GPC5: variants seen among roughly 807,000 people sequenced by gnomAD.
GPC5 encodes glypican-5.
GPC5 carries 47 observed loss-of-function variants against 53.9 expected under a neutral mutation model. The observed-to-expected ratio is 0.87, with a 90% CI of 0.69 to 1.11. GPC5 has a LOEUF of 1.11. GPC5 is among the 50% of genes most tolerant of loss of function. GPC5 has a pLI of 0.00. For synonymous variants in GPC5, 286 were observed against 263.3 expected, an observed-to-expected ratio of 1.09 and a Z score of -0.84; for missense variants, 748 against 713.1, an observed-to-expected ratio of 1.05 and a Z score of -0.56.
At chr13:91,766,974 A>T (rs1055652552) in intron 5 of GPC5, among the ~76,000 whole-genome samples, 1 of 152,244 alleles carries the variant, frequency 6.6e-6, no homozygotes, top group Non-Finnish European at 1.5e-5. Flanking sequence ...CTGTTAAATC[A>T]TGTTATTGTT....
In GPC5 at chr13:91,959,209, T is replaced by G. The variant is rs73612930; in HGVS notation, c.1401+51152T>G. Among the ~76,000 whole-genome samples the G allele has an allele frequency of 3.9e-3, 594 of 150,830 alleles. 4 individuals carry two copies. The highest frequency in any genetic ancestry group is 0.014 in the African/African-American group (561 of 41,138). ...AGACACAAATAAACAAAATCAAAAA[T>G]GAAATGGGAAACACTTCAGCTGATA... is the stretch of plus-strand genomic sequence containing the variant. On this transcript the variant is annotated intron_variant, in intron 6 of 7. Coordinates refer to ENST00000377067, the MANE Select transcript of GPC5 (RefSeq NM_004466.6).
intron 7 of GPC5, among the ~76,000 whole-genome samples, chr13:92,419,958 A>G (rs1213711177): frequency 6.6e-6 from 1 of 152,154 alleles, no homozygotes; most frequent in Non-Finnish European, 1.5e-5. Context: ...ACCTGCTGTC[A>G]AAACTCCAGC....
At chr13:92,069,103 C>A (rs1184798563) in intron 6 of GPC5, among the ~76,000 whole-genome samples, 1 of 152,018 alleles carries the variant, frequency 6.6e-6, no homozygotes, top group Non-Finnish European at 1.5e-5. Flanking sequence ...TGTCCCAACA[C>A]TATTTGTTGA....
At chr13:92,134,579 T>G (rs2041768860) in intron 6 of GPC5, among the ~76,000 whole-genome samples, 1 of 152,078 alleles carries the variant, frequency 6.6e-6, no homozygotes, top group Non-Finnish European at 1.5e-5. Flanking sequence ...TTAATAAAAT[T>G]GAAAAATAAT....
chr13:92,406,690 C>T (rs1875811009), intron 7 of GPC5, among the ~76,000 whole-genome samples: 2 of 152,224 alleles, frequency 1.3e-5, no homozygotes, highest in African/African-American at 4.8e-5. Flanking sequence ...TCATAGTTTT[C>T]GCAGTCAATT....
rs534320211 is a variant in GPC5, at chr13:91,465,421, T to C, written c.325+16499T>C. Among the ~76,000 whole-genome samples, 8 of 152,298 alleles carry C rather than the reference T, an allele frequency of 5.3e-5. No individual in the cohort carries two copies. In the East Asian group the frequency reaches 1.5e-3, roughly 29 times the overall value. The stretch of plus-strand genomic sequence containing the variant: ...TATGTAAATGGAATCATACATCATG[T>C]AGCCTTCTGTGTCTGGCTTCTTCCA... On this transcript the variant is annotated intron_variant, in intron 2 of 7. Coordinates refer to ENST00000377067, the MANE Select transcript of GPC5 (RefSeq NM_004466.6).
intron 2 of GPC5, among the ~76,000 whole-genome samples, chr13:91,630,163 ATCT>A (rs1300424720): frequency 6.6e-6 from 1 of 152,164 alleles, no homozygotes; most frequent in Non-Finnish European, 1.5e-5. Context: ...ATTTATTAGG[ATCT>A]TCTTGGTTTC....
At chr13:91,966,273 C>A (rs143504164) in intron 6 of GPC5, among the ~76,000 whole-genome samples, 1 of 151,984 alleles carries the variant, frequency 6.6e-6, no homozygotes, top group Admixed American at 6.6e-5. Context: ...GCAGAAAAAG[C>A]ATAGAAATAG....
chr13:92,798,153 T>C (rs973944989), intron 7 of GPC5, among the ~76,000 whole-genome samples: 4 of 151,872 alleles, frequency 2.6e-5, no homozygotes, highest in African/African-American at 9.7e-5. Flanking sequence ...AGGAAGCTTC[T>C]ACCCCTTGGG....
At chr13:92,569,813 T>G (rs1031809754) in intron 7 of GPC5, among the ~76,000 whole-genome samples, 3 of 152,162 alleles carry the variant, frequency 2.0e-5, no homozygotes, top group African/African-American at 7.2e-5. Context: ...AAAAATTGAT[T>G]TATATTGCTT....
chr13:92,531,473 A>G (rs1166762512), intron 7 of GPC5, among the ~76,000 whole-genome samples: 1 of 151,818 alleles, frequency 6.6e-6, no homozygotes. Flanking sequence ...ATTTCTGTAT[A>G]TATATTCATA....
At chr13:91,989,935 A>C (rs1323370146) in intron 6 of GPC5, among the ~76,000 whole-genome samples, 1 of 151,628 alleles carries the variant, frequency 6.6e-6, no homozygotes, top group East Asian at 1.9e-4. Flanking sequence ...GAAGAGAATT[A>C]AAAAAAACTT....
At chr13:92,068,584 TATTA>T (rs1215236985) in intron 6 of GPC5, among the ~76,000 whole-genome samples, 3 of 151,530 alleles carry the variant, frequency 2.0e-5, no homozygotes, top group African/African-American at 7.2e-5. Context: ...CATATTTCCT[TATTA>T]ATTATAATAT....
At chr13:91,890,124 A>G (rs755769342) in intron 5 of GPC5, among the ~76,000 whole-genome samples, 3 of 152,162 alleles carry the variant, frequency 2.0e-5, no homozygotes, top group Non-Finnish European at 4.4e-5. Flanking sequence ...GATCAATAAC[A>G]GGGGTGGTGC....
chr13:92,387,951 G>T (rs1027134828), intron 7 of GPC5, among the ~76,000 whole-genome samples: 10 of 152,080 alleles, frequency 6.6e-5, no homozygotes, highest in African/African-American at 2.4e-4. Flanking sequence ...TAAAGGGTTT[G>T]CCCCAATGCA....
intron 2 of GPC5, among the ~76,000 whole-genome samples, chr13:91,618,709 G>T (rs2139351635): frequency 6.6e-6 from 1 of 151,942 alleles, no homozygotes; most frequent in South Asian, 2.1e-4. Flanking sequence ...AAGTTTGGAA[G>T]TTGTTGTTGC....
At chr13:91,972,306 T>C (rs1207006288) in intron 6 of GPC5, among the ~76,000 whole-genome samples, 1 of 152,188 alleles carries the variant, frequency 6.6e-6, no homozygotes, top group East Asian at 1.9e-4. Context: ...TTTTTTTGTT[T>C]TCCATTTTCT....
At position 92,628,264 on chromosome 13, in the gene GPC5, C is replaced by CTTTTTTTTTTTTTTTTT. The variant is rs71123419; in HGVS notation, c.1562-238005_1562-237989dup. On this transcript the variant is annotated intron_variant, in intron 7 of 7. Transcript: ENST00000377067. The stretch of plus-strand genomic sequence containing the variant: ...TTTTCTTTTCTTTTTCTTTTTCTTT[C>CTTTTTTTTTTTTTTTTT]TTTTTTTTTTTTTTTTTTTTTTTTT... Among the ~76,000 whole-genome samples the CTTTTTTTTTTTTTTTTT allele has an allele frequency of 6.2e-3, 279 of 45,356 alleles. 51 individuals are homozygous for CTTTTTTTTTTTTTTTTT. Among genetic ancestry groups the CTTTTTTTTTTTTTTTTT allele is most frequent in the Non-Finnish European group, 7.2e-3 (167 of 23,124 alleles). The allele number at this position is 45,356 out of a possible 152,430, so 29.8% of individuals were successfully genotyped here.
At chr13:92,115,926 G>T (rs2041596901) in intron 6 of GPC5, among the ~76,000 whole-genome samples, 1 of 151,974 alleles carries the variant, frequency 6.6e-6, no homozygotes, top group African/African-American at 2.4e-5. Context: ...ATCAGAGTGG[G>T]CCCTAATCCT....
Sources: gnomAD v4.1 joint callset for allele counts (sites outside exome capture counted in the v4.1 genomes callset) on GRCh38, gnomAD v4.1.1 for gene constraint, MANE v1.5 for transcripts, NCBI Gene and HGNC (gene_info 2026-07-23, HGNC 2026-07-21) for gene names.